Variants in GRM3 observed in about 807,000 individuals in gnomAD.
GRM3 encodes the protein glutamate metabotropic receptor 3.
GRM3 carries 26 observed loss-of-function variants against 70.5 expected under a neutral mutation model. The ratio of observed to expected loss-of-function variants is 0.37; its 90% CI spans 0.27 to 0.51. The LOEUF is 0.51. GRM3 is among the 20% of genes least tolerant of loss of function. The probability of loss-of-function intolerance (pLI) is 0.93; values close to 1 mark genes in which losing one functional copy is unlikely to be tolerated. For missense variants in GRM3, 859 were observed against 1,123.8 expected (o/e 0.76, Z 3.37); for synonymous variants, 443 against 434.9 (o/e 1.02, Z -0.23).
chr7:86,651,303 A>C (rs1041807191), intron 1 of GRM3, among the ~76,000 whole-genome samples: 2 of 152,246 alleles, frequency 1.3e-5, no homozygotes, highest in African/African-American at 4.8e-5. Context: ...AAAAAGGAAC[A>C]GATATCACAG....
intron 3 of GRM3, among the ~76,000 whole-genome samples, chr7:86,799,355 A>G (rs1797629312): frequency 6.6e-6 from 1 of 152,112 alleles, no homozygotes; most frequent in Non-Finnish European, 1.5e-5. Flanking sequence ...TCTCTTGACT[A>G]ATTGCCCCGG....
At chr7:86,741,498 C>G (rs538528628) in intron 1 of GRM3, among the ~76,000 whole-genome samples, 1 of 152,248 alleles carries the variant, frequency 6.6e-6, no homozygotes, top group Non-Finnish European at 1.5e-5. Context: ...TTATAGTCAA[C>G]TATATTGGGT....
chr7:86,713,423 C>T (rs1795244007), intron 1 of GRM3, among the ~76,000 whole-genome samples: 1 of 151,964 alleles, frequency 6.6e-6, no homozygotes. Context: ...AACTTTCAAC[C>T]TATGTCTCAT....
chr7:86,790,271 A>C (rs1470785034), intron 3 of GRM3, among the ~76,000 whole-genome samples: 2 of 151,818 alleles, frequency 1.3e-5, no homozygotes, highest in African/African-American at 2.4e-5. Context: ...GCCCATATCC[A>C]TCTGGGATTT....
chr7:86,798,310 G>A (rs12704290), intron 3 of GRM3, among the ~76,000 whole-genome samples: 13,556 of 152,164 alleles, frequency 0.089, 701 homozygotes, highest in Middle Eastern at 0.14. Context: ...CAGCCAGGAG[G>A]GGAGCTGTAC....
At chr7:86,789,526 A>C (rs1195099970) in intron 3 of GRM3, among the ~76,000 whole-genome samples, 1 of 152,220 alleles carries the variant, frequency 6.6e-6, no homozygotes, top group Non-Finnish European at 1.5e-5. Context: ...TTTCCTAGCT[A>C]TTGAAAAGCA....
At chr7:86,681,583 G>A (rs932712396) in intron 1 of GRM3, among the ~76,000 whole-genome samples, 7 of 152,012 alleles carry the variant, frequency 4.6e-5, no homozygotes, top group Admixed American at 1.3e-4. Context: ...GGGGTGAGGC[G>A]GGGTGTGGAA....
chr7:86,787,035 A>C lies in GRM3; in HGVS notation c.1243A>C (p.Thr415Pro). The change falls in exon 3 of 6, where the codon ACT (threonine) becomes CCT (proline). Residue 415 changes from threonine (T) to proline (P), a missense_variant. By Grantham distance (38) the Thr-to-Pro change is conservative. Transcript: ENST00000361669. ...HKMQRTLCPN[T>P]TKLCDAMKIL... ...AATGCAGCGCACCCTCTGTCCCAAC[A>C]CTACCAAGCTTTGTGATGCTATGAA... 1 of 1,613,516 alleles carries C rather than the reference A, an allele frequency of 6.2e-7. No homozygotes were observed. Among genetic ancestry groups the C allele is most frequent in the Middle Eastern group, 1.6e-4 (1 of 6,062 alleles).
intron 1 of GRM3, among the ~76,000 whole-genome samples, chr7:86,713,178 C>T (rs191000437): frequency 5.0e-4 from 76 of 152,042 alleles, no homozygotes; most frequent in African/African-American, 1.5e-3. Flanking sequence ...CCGTTTTAAC[C>T]GGAGTGAGAT....
chr7:86,747,388 A>T (rs1461850900), intron 1 of GRM3, among the ~76,000 whole-genome samples: 1 of 152,098 alleles, frequency 6.6e-6, no homozygotes, highest in Non-Finnish European at 1.5e-5. Flanking sequence ...TATACTTTAC[A>T]TTTTAAGCCA....
chr7:86,844,731 G>A (rs114431040), intron 4 of GRM3, among the ~76,000 whole-genome samples: 1,760 of 152,194 alleles, frequency 0.012, 39 homozygotes, highest in African/African-American at 0.04. Flanking sequence ...ACTGTGAAAG[G>A]TTTTTACCCT....
At chr7:86,845,833 A>G (rs1286249398) in intron 4 of GRM3, among the ~76,000 whole-genome samples, 1 of 152,200 alleles carries the variant, frequency 6.6e-6, no homozygotes, top group Non-Finnish European at 1.5e-5. Context: ...ATGAAATAAG[A>G]TCATCATTAC....
intron 1 of GRM3, among the ~76,000 whole-genome samples, chr7:86,653,185 C>T (rs750907555): frequency 6.6e-6 from 1 of 152,156 alleles, no homozygotes; most frequent in Non-Finnish European, 1.5e-5. Flanking sequence ...GCTCTGGGCT[C>T]TCCTCCTCTT....
intron 1 of GRM3, among the ~76,000 whole-genome samples, chr7:86,712,132 C>T: frequency 6.6e-6 from 1 of 151,996 alleles, no homozygotes. Context: ...TCAAATTCTG[C>T]TTACTTTACC....
At chr7:86,668,467 A>T (rs889318232) in intron 1 of GRM3, among the ~76,000 whole-genome samples, 2 of 152,092 alleles carry the variant, frequency 1.3e-5, no homozygotes, top group Non-Finnish European at 2.9e-5. Flanking sequence ...CATTGGACTG[A>T]TTTAACACCC....
chr7:86,702,403 A>G (rs926733624), intron 1 of GRM3, among the ~76,000 whole-genome samples: 4 of 152,000 alleles, frequency 2.6e-5, no homozygotes, highest in African/African-American at 7.2e-5. Context: ...ATGTAGCTGC[A>G]TATCCCTGCT....
chr7:86,682,535 A>G (rs1002682939), intron 1 of GRM3, among the ~76,000 whole-genome samples: 2 of 152,130 alleles, frequency 1.3e-5, no homozygotes, highest in Non-Finnish European at 2.9e-5. Flanking sequence ...TTACACTTGT[A>G]TTATTTTTTG....
At chr7:86,797,030 T>C (rs559987802) in intron 3 of GRM3, among the ~76,000 whole-genome samples, 3 of 152,300 alleles carry the variant, frequency 2.0e-5, no homozygotes, top group South Asian at 4.1e-4. Flanking sequence ...GCCCCAGCCA[T>C]GTGGAATTGT....
At chr7:86,748,281 A>G (rs889304172) in intron 1 of GRM3, among the ~76,000 whole-genome samples, 4 of 152,016 alleles carry the variant, frequency 2.6e-5, no homozygotes, top group Non-Finnish European at 5.9e-5. Context: ...TTGACTCTTT[A>G]TTTAACTAAC....
Sources: allele counts gnomAD v4.1 joint callset (sites outside exome capture counted in the v4.1 genomes callset), GRCh38; gene constraint gnomAD v4.1.1; transcripts MANE v1.5; gene names NCBI Gene and HGNC (gene_info 2026-07-23, HGNC 2026-07-21).